PEAK1: variants seen among roughly 807,000 people sequenced by gnomAD.
The protein encoded by PEAK1 is inactive tyrosine-protein kinase PEAK1.
A neutral mutation model predicts 124.7 loss-of-function variants in PEAK1; 54 were observed. The ratio of observed to expected loss-of-function variants is 0.43; its 90% CI spans 0.35 to 0.54. The LOEUF is 0.54. Ranked by LOEUF, PEAK1 falls within the 20% of genes least tolerant of loss-of-function variation. PEAK1 has a pLI of 0.01. For missense variants in PEAK1, 2,046 were observed against 2,134.5 expected (o/e 0.96, Z 0.82); for synonymous variants, 719 against 760.0 (o/e 0.95, Z 0.89).
At chr15:77,388,426 T>G (rs996881881) in intron 1 of PEAK1, among the ~76,000 whole-genome samples, 1 of 152,202 alleles carries the variant, frequency 6.6e-6, no homozygotes, top group Admixed American at 6.5e-5. Context: ...ATAGTTGCAG[T>G]TGCTATTCAG....
intron 6 of PEAK1, among the ~76,000 whole-genome samples, chr15:77,245,186 C>T (rs995907915): frequency 2.0e-5 from 3 of 151,904 alleles, no homozygotes. Flanking sequence ...TTTTTGTTTT[C>T]GGTCTTAAAT....
At chr15:77,142,235 T>C (rs1342180665) in intron 8 of PEAK1, among the ~76,000 whole-genome samples, 1 of 152,224 alleles carries the variant, frequency 6.6e-6, no homozygotes, top group African/African-American at 2.4e-5. Flanking sequence ...ATGTTTGGCA[T>C]CATCACTCAT....
At chr15:77,333,475 G>T in intron 2 of PEAK1, 1 of 906,838 alleles carries the variant, frequency 1.1e-6, no homozygotes, top group Non-Finnish European at 1.3e-6. Flanking sequence ...GCTTATCTAA[G>T]AATAAATATT....
chr15:77,127,739 G>C (rs2052504947), intron 9 of PEAK1, among the ~76,000 whole-genome samples: 1 of 152,162 alleles, frequency 6.6e-6, no homozygotes, highest in South Asian at 2.1e-4. Flanking sequence ...TGAGCAAAAA[G>C]AAACCAGAAC....
chr15:77,289,457 T>C (rs955640602), intron 2 of PEAK1, among the ~76,000 whole-genome samples: 4 of 152,202 alleles, frequency 2.6e-5, no homozygotes, highest in East Asian at 1.9e-4. Context: ...AAATATAGTA[T>C]ACTTGATGTT....
At chr15:77,201,232 C>CTTTTTTTTTTTTTTTTTTTTTTTTTTTTT (rs11363810) in intron 6 of PEAK1, among the ~76,000 whole-genome samples, 1 of 77,220 alleles carries the variant, frequency 1.3e-5, no homozygotes. Flanking sequence ...GCCTTTGTGT[C>CTTTTTTTTTTTTTTTTTTTTTTTTTTTTT]TTTTTTTTTT....
rs2050868606 is a variant in PEAK1 at position 77,109,569 on chromosome 15, C to T, written c.*4587G>A. ...CTTCCCTTATGGCACCGTTTTTGGT[C>T]CATGGAATCCCCACTTTTGGCACTG... On this transcript the variant is annotated 3_prime_UTR_variant, in exon 10 of 10. Transcript: ENST00000682557. The T allele has an allele frequency of 6.6e-6, 1 of 152,192 alleles. No individual in the cohort carries two copies. Among genetic ancestry groups the T allele is most frequent in the African/African-American group, 2.4e-5 (1 of 41,438 alleles). The allele number at this position is 152,192 out of a possible 1,614,324, so 9.4% of individuals were successfully genotyped here. A position where few individuals can be genotyped will look rare whatever the true frequency, so the allele number is the denominator to read the frequency against.
At chr15:77,337,777 A>G in intron 2 of PEAK1, 2 of 985,308 alleles carry the variant, frequency 2.0e-6, no homozygotes, top group Non-Finnish European at 2.4e-6. Context: ...TCTGGAACAC[A>G]TTTTATACTT....
intron 2 of PEAK1, among the ~76,000 whole-genome samples, chr15:77,314,860 G>GT (rs1324075882): frequency 6.6e-6 from 1 of 152,100 alleles, no homozygotes; most frequent in Non-Finnish European, 1.5e-5. Context: ...CTTGAAAATA[G>GT]TAATACCTGA....
intron 6 of PEAK1, among the ~76,000 whole-genome samples, chr15:77,252,046 G>A (rs1343792106): frequency 2.0e-5 from 3 of 152,158 alleles, no homozygotes; most frequent in African/African-American, 7.2e-5. Context: ...TCTTGCCTTC[G>A]CAAAGCCAAG....
chr15:77,356,066 T>C (rs2067500149), intron 2 of PEAK1: 1 of 380,074 alleles, frequency 2.6e-6, no homozygotes, highest in Non-Finnish European at 3.6e-6. Flanking sequence ...GCCCCAAACG[T>C]GCATTACTCA....
intron 5 of PEAK1, among the ~76,000 whole-genome samples, chr15:77,270,042 G>C (rs148806160): frequency 6.6e-5 from 10 of 152,284 alleles, no homozygotes; most frequent in African/African-American, 2.4e-4. Flanking sequence ...GAGATAGTTT[G>C]TTATAATTTC....
At chr15:77,278,492 G>T in intron 5 of PEAK1, 1 of 497,772 alleles carries the variant, frequency 2.0e-6, no homozygotes, top group South Asian at 1.5e-5. Flanking sequence ...TGAAGGGGAT[G>T]CTAAAGGAGA....
In PEAK1 at chr15:77,179,328, G is replaced by A; in HGVS notation, c.2599C>T (p.Pro867Ser). ...KLVTSPQSEP[P>S]APFPPPRSTS... ...GAGCGTGGCGGGGGAAAGGGAGCTG[G>A]TGGCTCACTTTGGGGGCTAGTCACT... The change falls in exon 7 of 10, where the codon CCA (proline) becomes TCA (serine). Residue 867 changes from proline to serine, a missense_variant. Coordinates refer to ENST00000682557, the MANE Select transcript of PEAK1 (RefSeq NM_001385026.1). 6.2e-7 allele frequency: 1 copy of A among 1,614,048 alleles called. No homozygotes were observed.
chr15:77,251,971 A>T (rs184034260), intron 6 of PEAK1, among the ~76,000 whole-genome samples: 1 of 152,222 alleles, frequency 6.6e-6, no homozygotes, highest in Non-Finnish European at 1.5e-5. Flanking sequence ...CTGTGATACC[A>T]CTGGAGCTGT....
chr15:77,395,940 G>T (rs554473679), intron 1 of PEAK1, among the ~76,000 whole-genome samples: 2 of 152,246 alleles, frequency 1.3e-5, no homozygotes, highest in South Asian at 4.1e-4. Flanking sequence ...TGTAATTGTG[G>T]TGTTTAAAGT....
intron 1 of PEAK1, among the ~76,000 whole-genome samples, chr15:77,366,222 G>A (rs993055667): frequency 2.0e-5 from 3 of 152,036 alleles, no homozygotes; most frequent in African/African-American, 4.8e-5. Flanking sequence ...ACACAGACGT[G>A]ATGTTACACA....
intron 6 of PEAK1, among the ~76,000 whole-genome samples, chr15:77,201,576 C>T (rs2058368341): frequency 6.6e-6 from 1 of 151,974 alleles, no homozygotes; most frequent in East Asian, 1.9e-4. Context: ...TTCCTATTTC[C>T]AAACATCACA....
At chr15:77,240,966 G>T (rs150988939) in intron 6 of PEAK1, among the ~76,000 whole-genome samples, 2 of 152,054 alleles carry the variant, frequency 1.3e-5, no homozygotes, top group African/African-American at 4.8e-5. Flanking sequence ...GCTTCACCAT[G>T]ATGCTAAAAT....
Sources: gnomAD v4.1 joint callset for allele counts (sites outside exome capture counted in the v4.1 genomes callset) on GRCh38, gnomAD v4.1.1 for gene constraint, MANE v1.5 for transcripts, NCBI Gene and HGNC (gene_info 2026-07-23, HGNC 2026-07-21) for gene names.